PEX5L: variants seen among roughly 807,000 people sequenced by gnomAD.
PEX5L encodes the protein PEX5-related protein.
PEX5L carries 30 observed loss-of-function variants against 84.0 expected under a neutral mutation model. The observed-to-expected ratio is 0.36, with a 90% CI of 0.27 to 0.48. The LOEUF (loss-of-function observed/expected upper bound fraction) is 0.48. Among genes scored for constraint, PEX5L ranks in the 20% least tolerant of loss-of-function variants. The pLI is 0.99. For synonymous variants in PEX5L, 270 were observed against 283.1 expected, an observed-to-expected ratio of 0.95 and a Z score of 0.46; for missense variants, 533 against 754.6, an observed-to-expected ratio of 0.71 and a Z score of 3.44.
intron 5 of PEX5L, among the ~76,000 whole-genome samples, chr3:179,878,786 T>A (rs554234006): frequency 7.2e-5 from 11 of 152,300 alleles, no homozygotes; most frequent in African/African-American, 2.6e-4. Context: ...TAGTAACTGA[T>A]GTGGGTTTTC....
chr3:179,880,079 A>G lies in PEX5L; in HGVS notation c.355T>C (p.Ser119Pro), dbSNP rs764146404. Reference protein sequence around the residue: ...LDLLDLSEPVSQTQTKAKKSE... With the variant: ...LDLLDLSEPVPQTQTKAKKSE... ...TTCTTGGCTTTGGTTTGGGTTTGAG[A>G]GACTGGTTCACTCAGGTCGAGGAGA... Residue 119 changes from serine to proline, a missense_variant, in exon 5 of 15, where the codon TCT becomes CCT. Ser to Pro is a moderately conservative substitution (Grantham distance 74, BLOSUM62 -1). Coordinates refer to ENST00000467460, the MANE Select transcript of PEX5L (RefSeq NM_016559.3). The G allele has an allele frequency of 4.3e-6, 7 of 1,613,398 alleles. No homozygotes were observed. Among genetic ancestry groups the G allele is most frequent in the African/African-American group, 1.3e-5 (1 of 74,840 alleles).
intron 9 of PEX5L, among the ~76,000 whole-genome samples, chr3:179,818,186 G>T (rs1384978780): frequency 2.0e-5 from 3 of 151,920 alleles, no homozygotes; most frequent in Non-Finnish European, 2.9e-5. Flanking sequence ...ATGCTATCCA[G>T]AACTGAATAT....
At chr3:179,963,989 A>T (rs891828931) in intron 2 of PEX5L, among the ~76,000 whole-genome samples, 1 of 152,134 alleles carries the variant, frequency 6.6e-6, no homozygotes, top group Non-Finnish European at 1.5e-5. Flanking sequence ...TCAGGGGTAC[A>T]TGTACAGGTT....
At chr3:180,010,425 T>A (rs1056482042) in intron 1 of PEX5L, among the ~76,000 whole-genome samples, 13 of 151,884 alleles carry the variant, frequency 8.6e-5, no homozygotes. Context: ...ACAACAGGCA[T>A]GAAGGCACTC....
At position 179,809,641 on chromosome 3, in the gene PEX5L, T is replaced by A; in HGVS notation, c.1182A>T (p.Leu394Phe). ...TCACAGCCAAGGCCATCAAAGCTTT[T>A]AAGTTGTTGGGCTGTAATTCTAAGC... is the stretch of plus-strand genomic sequence containing the variant. ...QRCLELQPNNLKALMALAVSY... is the reference protein window; with the variant it reads ...QRCLELQPNNFKALMALAVSY... The change falls in exon 12 of 15, where the codon TTA (leucine) becomes TTT (phenylalanine). Residue 394 changes from leucine to phenylalanine, a missense_variant. Physicochemically the swap from Leu to Phe is conservative, Grantham distance 22. Around this residue, in one of 8 missense-constraint regions of PEX5L, gnomAD observed 32 missense variants for 45.5 expected, o/e 0.70. Coordinates refer to ENST00000467460, the MANE Select transcript of PEX5L (RefSeq NM_016559.3). 2 of 1,610,994 alleles carry A rather than the reference T, an allele frequency of 1.2e-6. No individual in the cohort carries two copies. The highest frequency in any genetic ancestry group is 1.7e-6 in the Non-Finnish European group (2 of 1,179,308).
In PEX5L at chr3:179,977,330, T is replaced by G. The variant is rs1785899654; in HGVS notation, c.22-5665A>C. Among the ~76,000 whole-genome samples the G allele has an allele frequency of 2.6e-5, 4 of 152,324 alleles. No homozygotes were observed. The South Asian group carries it at 8.3e-4, about 32-fold the overall frequency. On this transcript the variant is annotated intron_variant, in intron 1 of 14. Transcript: ENST00000467460. Reference sequence around the variant, plus strand: ...GGTTTTTTGTTTTGTGTTTAAACGCTCGTAGAGATACATGTTGCAGTTTTT... The same window carrying G: ...GGTTTTTTGTTTTGTGTTTAAACGCGCGTAGAGATACATGTTGCAGTTTTT...
intron 3 of PEX5L, among the ~76,000 whole-genome samples, chr3:179,892,654 G>A (rs538352196): frequency 3.4e-4 from 51 of 152,114 alleles, no homozygotes; most frequent in African/African-American, 6.7e-4. Flanking sequence ...TTTCTTTGCC[G>A]GTTTTAAACC....
intron 2 of PEX5L, among the ~76,000 whole-genome samples, chr3:179,964,035 C>T (rs1415234977): frequency 2.6e-5 from 4 of 151,994 alleles, no homozygotes; most frequent in African/African-American, 7.3e-5. Context: ...CGGGGATATG[C>T]TGTGCAGATT....
At chr3:179,931,179 C>G (rs1772995155) in intron 2 of PEX5L, among the ~76,000 whole-genome samples, 1 of 152,166 alleles carries the variant, frequency 6.6e-6, no homozygotes, top group African/African-American at 2.4e-5. Context: ...AGCTGAGTGT[C>G]TATTGTTGTG....
rs753747822 is a variant in PEX5L at position 179,815,849 on chromosome 3, G to C, written c.1083+12C>G. 2 of 1,613,806 alleles carry C rather than the reference G, an allele frequency of 1.2e-6. No individual in the cohort carries two copies. Among genetic ancestry groups the C allele is most frequent in the South Asian group, 2.2e-5 (2 of 91,056 alleles). ...CCTTTCTGAGTCTGGCAGAATGAAGGGAGAATGACACCTCTGCATCTCCAG... is the reference window on the plus strand; with the variant it reads ...CCTTTCTGAGTCTGGCAGAATGAAGCGAGAATGACACCTCTGCATCTCCAG... On this transcript the variant is annotated intron_variant, in intron 10 of 14. Coordinates refer to ENST00000467460, the MANE Select transcript of PEX5L (RefSeq NM_016559.3).
intron 1 of PEX5L, among the ~76,000 whole-genome samples, chr3:179,995,483 T>G (rs1265823580): frequency 3.9e-5 from 6 of 152,140 alleles, no homozygotes; most frequent in Non-Finnish European, 7.3e-5. Context: ...TAGAGAGTTA[T>G]GCAAAATAAA....
intron 7 of PEX5L, among the ~76,000 whole-genome samples, chr3:179,867,025 C>CAAAAA (rs61404630): frequency 3.4e-5 from 3 of 89,362 alleles, no homozygotes; most frequent in Non-Finnish European, 6.7e-5. Context: ...GACTCTGTCT[C>CAAAAA]AAAAAAAAAA....
chr3:180,024,532 G>A (rs1448739060), intron 1 of PEX5L, among the ~76,000 whole-genome samples: 3 of 133,332 alleles, frequency 2.3e-5, no homozygotes, highest in South Asian at 2.4e-4. Flanking sequence ...GAGATGGAGC[G>A]AGACTCCGTT....
At chr3:179,852,853 C>T (rs3774238) in intron 8 of PEX5L, among the ~76,000 whole-genome samples, 50,250 of 152,052 alleles carry the variant, frequency 0.33, 9,658 homozygotes, top group East Asian at 0.72. Context: ...TTAAGCAGAA[C>T]GTGATTTTGA....
At chr3:179,962,396 T>C (rs764013031) in intron 2 of PEX5L, among the ~76,000 whole-genome samples, 3 of 152,200 alleles carry the variant, frequency 2.0e-5, no homozygotes, top group Admixed American at 1.3e-4. Flanking sequence ...TCAAGTTACC[T>C]TTTTACTCCA....
chr3:179,891,478 C>G (rs529623108), intron 3 of PEX5L, among the ~76,000 whole-genome samples: 1 of 152,032 alleles, frequency 6.6e-6, no homozygotes, highest in Non-Finnish European at 1.5e-5. Flanking sequence ...ATGGGAGATA[C>G]GGAAGATGAA....
chr3:179,947,255 T>G (rs1777804696), intron 2 of PEX5L, among the ~76,000 whole-genome samples: 1 of 152,122 alleles, frequency 6.6e-6, no homozygotes. Flanking sequence ...TTCTGAAACT[T>G]AAAAGATAGA....
chr3:180,019,235 C>G (rs1307510249), intron 1 of PEX5L, among the ~76,000 whole-genome samples: 3 of 152,128 alleles, frequency 2.0e-5, no homozygotes, highest in Non-Finnish European at 4.4e-5. Flanking sequence ...AACTCCAGGT[C>G]TCTGGGATTT....
At chr3:179,834,586 A>T (rs1734296907) in intron 8 of PEX5L, among the ~76,000 whole-genome samples, 1 of 152,118 alleles carries the variant, frequency 6.6e-6, no homozygotes, top group Admixed American at 6.5e-5. Flanking sequence ...GGGCCGGGAG[A>T]GAGAAGGTTG....
Sources: gnomAD v4.1 joint callset for allele counts (sites outside exome capture counted in the v4.1 genomes callset) on GRCh38, gnomAD v4.1.1 for gene constraint, gnomAD v4.1.1 regional missense constraint, MANE v1.5 for transcripts, NCBI Gene and HGNC (gene_info 2026-07-23, HGNC 2026-07-21) for gene names.